The following ZFAT variants were observed in gnomAD, a reference collection of about 807,000 sequenced individuals.
The protein encoded by ZFAT is zinc finger protein ZFAT.
A neutral mutation model predicts 117.7 loss-of-function variants in ZFAT; 64 were observed. The observed-to-expected ratio is 0.54, with a 90% CI of 0.44 to 0.67. The LOEUF (loss-of-function observed/expected upper bound fraction) is 0.67, where lower values mean the gene tolerates loss of function less well. ZFAT is among the 30% of genes least tolerant of loss of function. The probability of loss-of-function intolerance (pLI) is 0.00; values close to 1 mark genes in which losing one functional copy is unlikely to be tolerated. For missense variants in ZFAT, 1,433 were observed against 1,584.5 expected (o/e 0.90, Z 1.62); for synonymous variants, 679 against 615.0 (o/e 1.10, Z -1.54).
chr8:134,736,262 C>T, the ZFAT span, among the ~76,000 whole-genome samples: 5 of 152,248 alleles, frequency 3.3e-5, no homozygotes, highest in African/African-American at 1.2e-4. Flanking sequence ...CTGCAGGTGG[C>T]CTTGTTTATT....
At chr8:134,815,005 C>T in the ZFAT span, among the ~76,000 whole-genome samples, 1 of 152,194 alleles carries the variant, frequency 6.6e-6, no homozygotes, top group Non-Finnish European at 1.5e-5. Flanking sequence ...CCCTTTGAAT[C>T]TAAGTTCCCT....
At chr8:134,591,118 T>C (rs1826471577) in intron 7 of ZFAT, among the ~76,000 whole-genome samples, 1 of 152,162 alleles carries the variant, frequency 6.6e-6, no homozygotes, top group African/African-American at 2.4e-5. Flanking sequence ...CAAGAGCATA[T>C]TACATCCGCC....
chr8:134,774,414 CTTT>C, the ZFAT span, among the ~76,000 whole-genome samples: 1 of 152,192 alleles, frequency 6.6e-6, no homozygotes, highest in African/African-American at 2.4e-5. Context: ...CTGCTGTCTT[CTTT>C]TGACATTGCC....
intron 1 of ZFAT, among the ~76,000 whole-genome samples, chr8:134,681,856 C>T (rs1203696106): frequency 1.3e-5 from 2 of 152,180 alleles, no homozygotes; most frequent in African/African-American, 4.8e-5. Context: ...AACATAAAGC[C>T]AGATTGCTGT....
intron 7 of ZFAT, among the ~76,000 whole-genome samples, chr8:134,593,149 C>T (rs1018632270): frequency 1.3e-5 from 2 of 152,140 alleles, no homozygotes; most frequent in African/African-American, 2.4e-5. Flanking sequence ...TCTCGGTGCC[C>T]GCATCATCAG....
chr8:134,602,805 C>T lies in ZFAT; in HGVS notation c.914G>A (p.Ser305Asn). ...GTTGGCCTTGATGGCACTGGCATAG[C>T]TGCACTGGGGGCACTTGTATGGCTT... ...NEKPYKCPQCSYASAIKANLN... is the reference protein window; with the variant it reads ...NEKPYKCPQCNYASAIKANLN... Residue 305 changes from serine (S) to asparagine (N), a missense_variant, in exon 6 of 16, where the codon AGC (serine) becomes AAC (asparagine). Coordinates refer to ENST00000377838, the MANE Select transcript of ZFAT (RefSeq NM_020863.4). 1 of 1,614,214 alleles carries T rather than the reference C, an allele frequency of 6.2e-7. No homozygotes were observed. The highest frequency in any genetic ancestry group is 8.5e-7 in the Non-Finnish European group (1 of 1,180,050).
chr8:134,600,228 C>A, intron 7 of ZFAT: 1 of 593,114 alleles, frequency 1.7e-6, no homozygotes, highest in Non-Finnish European at 3.0e-6. Context: ...CAATTTATTC[C>A]ATCTAATCTC....
At chr8:134,712,482 C>G (rs1814039628) in intron 1 of ZFAT, among the ~76,000 whole-genome samples, 1 of 148,380 alleles carries the variant, frequency 6.7e-6, no homozygotes, top group African/African-American at 2.4e-5. Context: ...GAAGGAAGCC[C>G]CGCCAAGGTC....
chr8:134,608,588 C>A, intron 5 of ZFAT, 141 bp downstream of exon 5: 1 of 1,028,284 alleles, frequency 9.7e-7, no homozygotes, highest in Non-Finnish European at 1.4e-6. Context: ...AATTCTACTG[C>A]TGAATCAAGG....
the ZFAT span, among the ~76,000 whole-genome samples, chr8:134,819,862 G>A: frequency 2.0e-5 from 3 of 151,712 alleles, no homozygotes; most frequent in Admixed American, 6.6e-5. Context: ...AGCTTCTCAC[G>A]GGGGGAAGAA....
upstream of ZFAT, among the ~76,000 whole-genome samples, chr8:134,715,468 A>C (rs977364354): frequency 6.6e-6 from 1 of 152,244 alleles, no homozygotes; most frequent in Admixed American, 6.5e-5. Flanking sequence ...CTGTGGGGGA[A>C]TCCAGGTTCG....
chr8:134,715,403 A>G (rs149063258), upstream of ZFAT, among the ~76,000 whole-genome samples: 83 of 152,328 alleles, frequency 5.4e-4, no homozygotes, highest in Non-Finnish European at 1.1e-3. Context: ...ACCTATTATT[A>G]CTGGAAACTG....
the ZFAT span, among the ~76,000 whole-genome samples, chr8:134,729,841 A>T: frequency 6.6e-6 from 1 of 152,240 alleles, no homozygotes; most frequent in South Asian, 2.1e-4. Flanking sequence ...ACAAAACTTA[A>T]GAGTATCCAC....
chr8:134,523,170 C>T (rs1210601528), intron 12 of ZFAT, among the ~76,000 whole-genome samples: 1 of 152,198 alleles, frequency 6.6e-6, no homozygotes, highest in Non-Finnish European at 1.5e-5. Flanking sequence ...GCAAGTACCA[C>T]TCCACTGAAC....
At position 134,602,683 on chromosome 8, in the gene ZFAT, C is replaced by A; in HGVS notation, c.1036G>T (p.Glu346Ter). 1 of 1,614,180 alleles carries A rather than the reference C, an allele frequency of 6.2e-7. No individual in the cohort carries two copies. Among genetic ancestry groups the A allele is most frequent in the Non-Finnish European group, 8.5e-7 (1 of 1,180,026 alleles). The change falls in exon 6 of 16, where the codon GAG becomes TAG. Residue 346 changes from glutamate (E) to a stop codon, truncating the protein, a stop_gained. Coordinates refer to ENST00000377838, the MANE Select transcript of ZFAT (RefSeq NM_020863.4). LOFTEE classifies it high-confidence loss of function. The stretch of plus-strand genomic sequence containing the variant: ...TGCTTGATCTTCTTGTGCACTCGCT[C>A]GATGTGCACCTTGAGGTGGCCCTTG... ...LSKGHLKVHI[E>*]RVHKKIKQHC...
the ZFAT span, among the ~76,000 whole-genome samples, chr8:134,746,484 T>G: frequency 1.3e-5 from 2 of 152,252 alleles, no homozygotes; most frequent in Non-Finnish European, 2.9e-5. Flanking sequence ...ATCACATTGT[T>G]GGCCCATATT....
intron 13 of ZFAT, among the ~76,000 whole-genome samples, chr8:134,518,985 G>C (rs1820443264): frequency 6.6e-6 from 1 of 151,940 alleles, no homozygotes; most frequent in Non-Finnish European, 1.5e-5. Context: ...TAAATTTTCT[G>C]TTCGATTCCA....
At chr8:134,487,944 G>A (rs1410289180) in intron 15 of ZFAT, among the ~76,000 whole-genome samples, 1 of 152,230 alleles carries the variant, frequency 6.6e-6, no homozygotes, top group East Asian at 1.9e-4. Flanking sequence ...GTGCAGAGTG[G>A]AAGTCTTGCT....
At chr8:134,486,243 C>A (rs2130071819) in intron 15 of ZFAT, among the ~76,000 whole-genome samples, 1 of 152,300 alleles carries the variant, frequency 6.6e-6, no homozygotes, top group East Asian at 1.9e-4. Context: ...TTCCCAGTGC[C>A]CTCCCGCAAG....
Sources: allele counts gnomAD v4.1 joint callset (sites outside exome capture counted in the v4.1 genomes callset), GRCh38; gene constraint gnomAD v4.1.1; transcripts MANE v1.5; gene names NCBI Gene and HGNC (gene_info 2026-07-23, HGNC 2026-07-21).